PATJ: variants seen among roughly 807,000 people sequenced by gnomAD.
PATJ encodes the protein inaD-like protein.
PATJ carries 190 observed loss-of-function variants against 224.9 expected under a neutral mutation model. That is an observed-to-expected ratio of 0.84 (90% CI 0.75 to 0.95). The LOEUF is 0.95. Among genes scored for constraint, PATJ ranks in the 40% least tolerant of loss-of-function variants. The pLI, the probability that PATJ is intolerant of heterozygous loss-of-function variation, is 0.00. For synonymous variants in PATJ, 769 were observed against 820.3 expected (o/e 0.94, Z 1.07); for missense variants, 2,121 against 2,270.3 (o/e 0.93, Z 1.34).
intron 12 of PATJ, among the ~76,000 whole-genome samples, chr1:61,802,786 A>G (rs1009862840): frequency 6.6e-6 from 1 of 151,524 alleles, no homozygotes; most frequent in Non-Finnish European, 1.5e-5. Flanking sequence ...TTGTATTTTG[A>G]TACCTTAGCT....
At chr1:61,998,025 A>T (rs1645509099) in intron 28 of PATJ, among the ~76,000 whole-genome samples, 2 of 122,112 alleles carry the variant, frequency 1.6e-5, no homozygotes, top group East Asian at 2.1e-4. Flanking sequence ...AATTATATAT[A>T]ATATATTATA....
intron 26 of PATJ, among the ~76,000 whole-genome samples, chr1:61,927,003 GT>G (rs541113738): frequency 3.3e-5 from 5 of 152,140 alleles, no homozygotes; most frequent in Non-Finnish European, 7.4e-5. Flanking sequence ...AGTTTGGCAT[GT>G]TTTATTTTTC....
intron 8 of PATJ, among the ~76,000 whole-genome samples, chr1:61,789,138 A>G (rs1649229847): frequency 6.6e-6 from 1 of 151,752 alleles, no homozygotes; most frequent in Admixed American, 6.6e-5. Context: ...GCAAAACCCA[A>G]TCTCTACTAA....
intron 1 of PATJ, among the ~76,000 whole-genome samples, chr1:61,755,424 A>T (rs1645585872): frequency 6.6e-6 from 1 of 152,138 alleles, no homozygotes; most frequent in African/African-American, 2.4e-5. Flanking sequence ...ATAGTAGTAT[A>T]TGTTTATAAT....
chr1:61,842,576 A>G (rs1488964437), intron 17 of PATJ, among the ~76,000 whole-genome samples: 1 of 152,090 alleles, frequency 6.6e-6, no homozygotes, highest in Non-Finnish European at 1.5e-5. Context: ...ACGTGGCCAA[A>G]CTATAAATAT....
chr1:62,133,672 C>T lies in PATJ; in HGVS notation c.5271+4727C>T, dbSNP rs537227704. On this transcript the variant is annotated intron_variant, in intron 41 of 43. Coordinates refer to ENST00000642238, the MANE Select transcript of PATJ (RefSeq NM_001350145.3). Reference sequence around the variant, plus strand: ...GAATGGTGCTTCTCAAACTTTAGCACGCTCTGGAAACACCTGGAGGGCTCC... The same window carrying T: ...GAATGGTGCTTCTCAAACTTTAGCATGCTCTGGAAACACCTGGAGGGCTCC... 3.1e-4 allele frequency among the ~76,000 whole-genome samples: 47 copies of T among 151,808 alleles called. No homozygotes were observed. In the East Asian group the frequency reaches 3.3e-3, roughly 11 times the overall value.
chr1:62,010,204 A>C lies in PATJ; in HGVS notation c.3868-7652A>C, dbSNP rs546483454. Among the ~76,000 whole-genome samples, 44 of 151,964 alleles carry C rather than the reference A, an allele frequency of 2.9e-4. No individual in the cohort carries two copies. The South Asian group carries it at 8.7e-3, about 30-fold the overall frequency. On this transcript the variant is annotated intron_variant, in intron 28 of 43. Coordinates refer to ENST00000642238, the MANE Select transcript of PATJ (RefSeq NM_001350145.3). ...CAATCCAGTCCCATCTTCAGGCTCC[A>C]CTTCTGATTCTAGTTCTCTGTCCAT...
chr1:61,926,472 T>C (rs1675228518), intron 26 of PATJ, among the ~76,000 whole-genome samples: 1 of 152,238 alleles, frequency 6.6e-6, no homozygotes, highest in Non-Finnish European at 1.5e-5. Flanking sequence ...GTATTGTCTT[T>C]GATATAGAAT....
chr1:61,917,490 C>A (rs1284760295), intron 26 of PATJ, among the ~76,000 whole-genome samples: 1 of 151,826 alleles, frequency 6.6e-6, no homozygotes, highest in East Asian at 1.9e-4. Context: ...AAATTTTTTT[C>A]TCCTTGAATC....
At position 61,795,663 on chromosome 1, in the gene PATJ, GT is replaced by G. The variant is rs549360805; in HGVS notation, c.1260+111del. The G allele has an allele frequency of 7.4e-4, 429 of 575,892 alleles. 1 individual carries two copies. In the African/African-American group the frequency reaches 7.6e-3, roughly 10 times the overall value. The allele number at this position is 575,892 out of a possible 1,614,324, so 35.7% of individuals were successfully genotyped here. ...GAATAGCTTAATATAGTTTTATAAG[GT>G]TTTTTAAAAAATTAAGTTTGTTATA... On this transcript the variant is annotated intron_variant, in intron 10 of 43. Transcript: ENST00000642238.
chr1:61,761,769 T>C (rs1645985760), intron 1 of PATJ, among the ~76,000 whole-genome samples: 1 of 151,904 alleles, frequency 6.6e-6, no homozygotes. Context: ...CACTGCAGCC[T>C]CAACCTCTTG....
chr1:61,917,009 T>C (rs984849076), intron 26 of PATJ, among the ~76,000 whole-genome samples: 6 of 152,178 alleles, frequency 3.9e-5, no homozygotes, highest in Non-Finnish European at 8.8e-5. Flanking sequence ...TTAGTTTTTA[T>C]AATAGTAACA....
rs770456197 is a variant in PATJ at position 62,001,400 on chromosome 1, C to T, written c.3867+11036C>T. On this transcript the variant is annotated intron_variant, in intron 28 of 43. Transcript: ENST00000642238. The stretch of plus-strand genomic sequence containing the variant: ...AAGGAAGGGATTCAGTTTCAGCTTT[C>T]TACATATGGCTAGCCAGTTTTCCCA... Among the ~76,000 whole-genome samples, 273 of 147,780 alleles carry T rather than the reference C, an allele frequency of 1.8e-3. 5 individuals are homozygous for T. Among genetic ancestry groups the T allele is most frequent in the Admixed American group, 3.2e-3 (48 of 14,904 alleles).
intron 14 of PATJ, 80 bp downstream of exon 14, chr1:61,808,610 C>A: frequency 1.2e-6 from 1 of 864,958 alleles, no homozygotes; most frequent in Admixed American, 2.2e-5. Flanking sequence ...AGGTTGGTCT[C>A]AAACTCATAG....
At chr1:61,878,997 G>T (rs959635265) in intron 21 of PATJ, among the ~76,000 whole-genome samples, 1 of 152,020 alleles carries the variant, frequency 6.6e-6, no homozygotes, top group African/African-American at 2.4e-5. Flanking sequence ...TGTTGGCCAG[G>T]CTGGTCTTGA....
intron 30 of PATJ, among the ~76,000 whole-genome samples, chr1:62,047,366 C>T (rs1448207132): frequency 2.0e-5 from 3 of 152,230 alleles, no homozygotes; most frequent in Non-Finnish European, 4.4e-5. Context: ...AAGCCATTCT[C>T]TTGCCTCAGC....
chr1:61,826,695 AAAG>A lies in PATJ; in HGVS notation c.1819-724_1819-722del, dbSNP rs1292484347. Among the ~76,000 whole-genome samples the A allele has an allele frequency of 1.1e-4, 16 of 152,366 alleles. No homozygotes were observed. The South Asian group carries it at 2.7e-3, about 26-fold the overall frequency. ...TTGGTGACAAGGATTAATCATTAAT[AAAG>A]AATACTTTTTTCTTTTAAACATATG... On this transcript the variant is annotated intron_variant, in intron 15 of 43. Transcript: ENST00000642238.
At chr1:62,065,813 G>A (rs1040203022) in intron 31 of PATJ, among the ~76,000 whole-genome samples, 1 of 152,144 alleles carries the variant, frequency 6.6e-6, no homozygotes, top group African/African-American at 2.4e-5. Context: ...TAAAATGACA[G>A]GGCTCAGAAC....
In PATJ at chr1:62,123,177, A is replaced by G. The variant is rs1237585786; in HGVS notation, c.5043+119A>G. The G allele has an allele frequency of 8.8e-5, 61 of 695,040 alleles. No individual in the cohort carries two copies. In the Admixed American group the frequency reaches 1.4e-3, roughly 16 times the overall value. 43.1% of individuals were successfully genotyped at this position (695,040 alleles called of 1,614,324 possible). A position where few individuals can be genotyped will look rare whatever the true frequency, so the allele number is the denominator to read the frequency against. On this transcript the variant is annotated intron_variant, in intron 39 of 43. Coordinates refer to ENST00000642238, the MANE Select transcript of PATJ (RefSeq NM_001350145.3). Reference sequence around the variant, plus strand: ...GTGTGCTCTTTCAAGTTACTGAGATAAAAATATGGTCTAAATAACATCAAT... The same window carrying G: ...GTGTGCTCTTTCAAGTTACTGAGATGAAAATATGGTCTAAATAACATCAAT...
Sources: gnomAD v4.1 joint callset for allele counts (sites outside exome capture counted in the v4.1 genomes callset) on GRCh38, gnomAD v4.1.1 for gene constraint, MANE v1.5 for transcripts, NCBI Gene and HGNC (gene_info 2026-07-23, HGNC 2026-07-21) for gene names.